The following LARP1 variants were observed in gnomAD, a reference collection of about 807,000 sequenced individuals.
The protein encoded by LARP1 is la-related protein 1.
LARP1 carries 36 observed loss-of-function variants against 122.7 expected under a neutral mutation model. The observed-to-expected ratio is 0.29, with a 90% CI of 0.22 to 0.39. The LOEUF is 0.39. Ranked by LOEUF, LARP1 falls within the 10% of genes least tolerant of loss-of-function variation. The pLI, the probability that LARP1 is intolerant of heterozygous loss-of-function variation, is 1.00. For missense variants in LARP1, 1,040 were observed against 1,403.6 expected (o/e 0.74, Z 4.14); for synonymous variants, 539 against 528.7 (o/e 1.02, Z -0.27).
At chr5:154,778,368 A>G (rs1182315549) in intron 1 of LARP1, among the ~76,000 whole-genome samples, 1 of 152,182 alleles carries the variant, frequency 6.6e-6, no homozygotes. Context: ...GGTTACATCA[A>G]AATAACTGTT....
At chr5:154,747,512 G>A (rs534168359) in intron 1 of LARP1, among the ~76,000 whole-genome samples, 2 of 151,778 alleles carry the variant, frequency 1.3e-5, no homozygotes, top group East Asian at 3.9e-4. Flanking sequence ...TTGGAGACCA[G>A]CCTGACCAAC....
At chr5:154,807,121 A>T (rs1455617749) in intron 15 of LARP1, among the ~76,000 whole-genome samples, 1 of 152,206 alleles carries the variant, frequency 6.6e-6, no homozygotes, top group South Asian at 2.1e-4. Flanking sequence ...TATATTTGGT[A>T]TACTAACAAA....
chr5:154,712,238 C>A (rs984830469), upstream of LARP1, among the ~76,000 whole-genome samples: 2 of 152,142 alleles, frequency 1.3e-5, no homozygotes, highest in Non-Finnish European at 2.9e-5. Context: ...ATTATATACT[C>A]ATTATAGTGA....
intron 18 of LARP1, among the ~76,000 whole-genome samples, chr5:154,812,294 C>A (rs1055754941): frequency 6.6e-6 from 1 of 151,956 alleles, no homozygotes; most frequent in African/African-American, 2.4e-5. Context: ...TTAGACTAGC[C>A]CTTAACATTT....
intron 1 of LARP1, chr5:154,685,963 C>A (rs1039187123): frequency 1.3e-5 from 6 of 472,700 alleles, no homozygotes; most frequent in Non-Finnish European, 2.4e-5. Context: ...TGGATTAAGT[C>A]TCTTTTATAA....
chr5:154,751,850 G>A (rs1458367077), upstream of LARP1, among the ~76,000 whole-genome samples: 2 of 152,048 alleles, frequency 1.3e-5, no homozygotes, highest in Admixed American at 1.3e-4. Flanking sequence ...GTACTATTTG[G>A]GGTTTCAGGC....
chr5:154,792,729 A>G lies in LARP1; in HGVS notation c.672A>G (p.Lys224=). ...ATAGTAAGGAGAGTCCAAAAACCAA[A>G]TCAGATGAATCAGGGGAGGAAAAGA... is the stretch of plus-strand genomic sequence containing the variant. ...GSDSKESPKT[K]SDESGEEKNG... is the part of the protein sequence containing the mutation. The change falls in exon 4 of 19, where the codon AAA becomes AAG. Residue 224 remains lysine, a synonymous_variant. Transcript: ENST00000518297. 2 of 1,614,144 alleles carry G rather than the reference A, an allele frequency of 1.2e-6. No individual in the cohort carries two copies. The highest frequency in any genetic ancestry group is 1.6e-4 in the Middle Eastern group (1 of 6,062).
chr5:154,722,613 G>T (rs926472329), intron 1 of LARP1, among the ~76,000 whole-genome samples: 1 of 151,244 alleles, frequency 6.6e-6, no homozygotes, highest in African/African-American at 2.4e-5. Flanking sequence ...AGGCAGTGGA[G>T]AATTCATAGA....
At chr5:154,735,581 T>TTTA (rs1335487582) in intron 1 of LARP1, among the ~76,000 whole-genome samples, 4 of 60,846 alleles carry the variant, frequency 6.6e-5, no homozygotes, top group Admixed American at 1.7e-4. Flanking sequence ...TTATTTATTT[T>TTTA]TTCTGAGATG....
At chr5:154,796,105 A>T (rs1757803320) in intron 8 of LARP1, among the ~76,000 whole-genome samples, 1 of 120,120 alleles carries the variant, frequency 8.3e-6, no homozygotes, top group Non-Finnish European at 1.6e-5. Context: ...TTATATATTT[A>T]TATATAGTAT....
chr5:154,718,870 A>T (rs574201764), intron 1 of LARP1, among the ~76,000 whole-genome samples: 101 of 152,276 alleles, frequency 6.6e-4, no homozygotes, highest in Non-Finnish European at 9.6e-4. Context: ...TATATTAGAA[A>T]TTTGCTATCC....
upstream of LARP1, among the ~76,000 whole-genome samples, chr5:154,754,925 C>G (rs979715045): frequency 3.9e-5 from 6 of 152,228 alleles, no homozygotes; most frequent in African/African-American, 1.4e-4. Context: ...TCCCCTGAAT[C>G]TGACACCCAG....
chr5:154,706,460 A>AAACCAAAT (rs1178883422), intron 1 of LARP1, among the ~76,000 whole-genome samples: 1 of 152,106 alleles, frequency 6.6e-6, no homozygotes, highest in East Asian at 1.9e-4. Flanking sequence ...CAGAAACAGA[A>AAACCAAAT]AACCAAATAA....
At chr5:154,796,750 A>G (rs945053895) in intron 8 of LARP1, among the ~76,000 whole-genome samples, 2 of 152,220 alleles carry the variant, frequency 1.3e-5, no homozygotes, top group African/African-American at 4.8e-5. Context: ...TACCTCTTCA[A>G]GAAGTAACTT....
intron 1 of LARP1, among the ~76,000 whole-genome samples, chr5:154,701,567 A>G (rs1207661138): frequency 6.6e-6 from 1 of 151,904 alleles, no homozygotes; most frequent in African/African-American, 2.4e-5. Flanking sequence ...ACTCAGTTAC[A>G]GCCAATGAGA....
At chr5:154,780,608 GT>G (rs1756346116) in intron 1 of LARP1, among the ~76,000 whole-genome samples, 1 of 152,310 alleles carries the variant, frequency 6.6e-6, no homozygotes, top group South Asian at 2.1e-4. Context: ...CTGGTCCTCA[GT>G]TTTTCTGTAT....
intron 1 of LARP1, among the ~76,000 whole-genome samples, chr5:154,720,864 C>G (rs1261525263): frequency 2.0e-5 from 3 of 151,946 alleles, no homozygotes; most frequent in Non-Finnish European, 2.9e-5. Context: ...GCTACGGAAC[C>G]CTGAAGATTC....
At chr5:154,796,086 A>G (rs1757797555) in intron 8 of LARP1, among the ~76,000 whole-genome samples, 1 of 118,686 alleles carries the variant, frequency 8.4e-6, no homozygotes, top group Non-Finnish European at 1.6e-5. Flanking sequence ...TATATATTAT[A>G]TATATATTTT....
chr5:154,732,196 A>C (rs1756624583), intron 1 of LARP1, among the ~76,000 whole-genome samples: 1 of 70,746 alleles, frequency 1.4e-5, no homozygotes, highest in Admixed American at 1.4e-4. Context: ...AAACAAAAAA[A>C]AAAAAAAAAG....
Sources: allele counts gnomAD v4.1 joint callset (sites outside exome capture counted in the v4.1 genomes callset), GRCh38; gene constraint gnomAD v4.1.1; transcripts MANE v1.5; gene names NCBI Gene and HGNC (gene_info 2026-07-23, HGNC 2026-07-21).